The following SLC36A1 variants were observed in gnomAD, a reference collection of about 807,000 sequenced individuals.
The protein encoded by SLC36A1 is proton-coupled amino acid transporter 1.
Under a neutral mutation model 47.5 loss-of-function variants are expected in SLC36A1, and 30 were observed. That is an observed-to-expected ratio of 0.63 (90% CI 0.47 to 0.86). The LOEUF (loss-of-function observed/expected upper bound fraction) is 0.86. SLC36A1 is among the 40% of genes least tolerant of loss of function. SLC36A1 has a pLI of 0.00. For missense variants in SLC36A1, 517 were observed against 606.0 expected (o/e 0.85, Z 1.54); for synonymous variants, 255 against 249.7 (o/e 1.02, Z -0.20).
intron 6 of SLC36A1, 90 bp downstream of exon 6, chr5:151,467,373 A>T: frequency 3.2e-6 from 3 of 939,450 alleles, no homozygotes; most frequent in South Asian, 3.0e-5. Context: ...GATTTTTTCC[A>T]AATCAGCTTT....
intron 1 of SLC36A1, among the ~76,000 whole-genome samples, chr5:151,439,205 G>T (rs1293555029): frequency 6.6e-6 from 1 of 152,050 alleles, no homozygotes. Context: ...GAACAGCATG[G>T]GGGAAACCAC....
the SLC36A1 span, chr5:151,517,845 C>T: frequency 1.3e-6 from 2 of 1,525,068 alleles, no homozygotes; most frequent in East Asian, 2.3e-5. Context: ...CTTATTTAAT[C>T]CTTGGGTGGC....
chr5:151,543,682 T>G, the SLC36A1 span: 1 of 1,614,224 alleles, frequency 6.2e-7, no homozygotes, highest in South Asian at 1.1e-5. Flanking sequence ...AAGGTGCTGC[T>G]GGAACTCTGG....
the SLC36A1 span, among the ~76,000 whole-genome samples, chr5:151,409,096 T>C: frequency 6.6e-6 from 1 of 151,258 alleles, no homozygotes. Context: ...CCTCCCAGGC[T>C]CAGGGTGATC....
chr5:151,553,473 G>A, the SLC36A1 span: 2 of 1,207,608 alleles, frequency 1.7e-6, no homozygotes, highest in African/African-American at 3.0e-5. Context: ...AGAGCGTCCT[G>A]TGATTCTGAC....
chr5:151,467,174 G>T, intron 5 of SLC36A1, 25 bp from the exon 6 acceptor site: 1 of 1,557,954 alleles, frequency 6.4e-7, no homozygotes, highest in Admixed American at 1.8e-5. Flanking sequence ...AACAGTCTTT[G>T]TATTCCTTCC....
At chr5:151,476,073 T>A (rs983081082) in intron 8 of SLC36A1, among the ~76,000 whole-genome samples, 1 of 152,272 alleles carries the variant, frequency 6.6e-6, no homozygotes, top group Non-Finnish European at 1.5e-5. Flanking sequence ...TACGAAGTCA[T>A]GCTTTCTTTC....
chr5:151,470,452 T>C (rs1437416756), intron 7 of SLC36A1, among the ~76,000 whole-genome samples: 1 of 152,196 alleles, frequency 6.6e-6, no homozygotes, highest in African/African-American at 2.4e-5. Flanking sequence ...CAGAGCAATG[T>C]CTGCATAAGG....
the SLC36A1 span, among the ~76,000 whole-genome samples, chr5:151,425,586 G>GTGGA: frequency 4.3e-3 from 656 of 152,148 alleles, 3 homozygotes; most frequent in Non-Finnish European, 5.8e-3. Flanking sequence ...TGGTGGATGA[G>GTGGA]TGGATGGATG....
the SLC36A1 span, among the ~76,000 whole-genome samples, chr5:151,546,943 C>A: frequency 9.2e-4 from 140 of 152,258 alleles, 1 homozygote; most frequent in African/African-American, 3.1e-3. Context: ...GGCTCCTGAG[C>A]AAATATCTTT....
chr5:151,481,097 G>C (rs1210566829), intron 10 of SLC36A1, among the ~76,000 whole-genome samples: 2 of 152,206 alleles, frequency 1.3e-5, no homozygotes, highest in Non-Finnish European at 2.9e-5. Flanking sequence ...GCAGGAGACA[G>C]CAGTCTCTGA....
the SLC36A1 span, among the ~76,000 whole-genome samples, chr5:151,353,448 G>A: frequency 6.6e-6 from 1 of 152,106 alleles, no homozygotes; most frequent in African/African-American, 2.4e-5. Context: ...CAGCAAAATT[G>A]AGCCAAAGGA....
At chr5:151,555,615 C>T in the SLC36A1 span, among the ~76,000 whole-genome samples, 1 of 152,128 alleles carries the variant, frequency 6.6e-6, no homozygotes, top group African/African-American at 2.4e-5. Flanking sequence ...AGTGATCTGC[C>T]CGCCTCAGCC....
chr5:151,442,094 C>T (rs896571924), intron 1 of SLC36A1, among the ~76,000 whole-genome samples: 3 of 138,564 alleles, frequency 2.2e-5, no homozygotes, highest in Non-Finnish European at 4.6e-5. Flanking sequence ...ATTTTGACAT[C>T]CATTTTGTAG....
exon 1 of SLC36A1, chr5:151,437,094 G>A (rs1046954613): frequency 1.3e-5 from 2 of 152,178 alleles, no homozygotes; most frequent in African/African-American, 4.8e-5. Context: ...TCCTTTCAAT[G>A]GTGTCTTTTC....
At chr5:151,468,281 ATATATATATATATTT>A (rs1372731859) in intron 7 of SLC36A1, among the ~76,000 whole-genome samples, 3 of 103,300 alleles carry the variant, frequency 2.9e-5, no homozygotes, top group South Asian at 3.5e-4. Flanking sequence ...ATATATATAT[ATATATATATATATTT>A]TATATATATA....
At chr5:151,345,621 A>G in the SLC36A1 span, among the ~76,000 whole-genome samples, 2 of 152,168 alleles carry the variant, frequency 1.3e-5, no homozygotes, top group Non-Finnish European at 2.9e-5. Flanking sequence ...ACCGAGCACT[A>G]CACCCTACTC....
At chr5:151,358,397 A>G in the SLC36A1 span, among the ~76,000 whole-genome samples, 4 of 151,846 alleles carry the variant, frequency 2.6e-5, no homozygotes, top group Non-Finnish European at 5.9e-5. Context: ...TCAGCATCCC[A>G]AGTATCTGAA....
chr5:151,486,824 A>C (rs1759629649), intron 10 of SLC36A1, among the ~76,000 whole-genome samples: 1 of 152,248 alleles, frequency 6.6e-6, no homozygotes, highest in South Asian at 2.1e-4. Flanking sequence ...CTAACAGGTT[A>C]GTAACTAACA....
Sources: allele counts gnomAD v4.1 joint callset (sites outside exome capture counted in the v4.1 genomes callset), GRCh38; gene constraint gnomAD v4.1.1; transcripts MANE v1.5; gene names NCBI Gene and HGNC (gene_info 2026-07-23, HGNC 2026-07-21).